CLCN5: variants seen among roughly 807,000 people sequenced by gnomAD.
The protein encoded by CLCN5 is H(+)/Cl(-) exchange transporter 5.
Under a neutral mutation model 54.0 loss-of-function variants are expected in CLCN5, and 17 were observed. That is an observed-to-expected ratio of 0.31 (90% CI 0.22 to 0.47). The LOEUF (loss-of-function observed/expected upper bound fraction) is 0.47, where lower values mean the gene tolerates loss of function less well. Among genes scored for constraint, CLCN5 ranks in the 20% least tolerant of loss-of-function variants. The probability of loss-of-function intolerance (pLI) is 1.00; values close to 1 mark genes in which losing one functional copy is unlikely to be tolerated. For synonymous variants in CLCN5, 222 were observed against 233.0 expected, an observed-to-expected ratio of 0.95 and a Z score of 0.43; for missense variants, 448 against 646.7, an observed-to-expected ratio of 0.69 and a Z score of 3.33.
chrX:49,947,441 T>A (rs1218356141), intron 3 of CLCN5, among the ~76,000 whole-genome samples: 1 of 110,428 alleles, frequency 9.1e-6, no homozygotes, highest in Non-Finnish European at 1.9e-5. Flanking sequence ...TTGGGATCCT[T>A]CATGTATAGA....
At chrX:50,078,196 G>A (rs782445186) in intron 7 of CLCN5, among the ~76,000 whole-genome samples, 4 of 110,216 alleles carry the variant, frequency 3.6e-5, no homozygotes, top group Non-Finnish European at 5.7e-5. Context: ...AAAACTGGGC[G>A]TGGTAGCAAC....
At chrX:49,955,233 G>A (rs903381381) in intron 3 of CLCN5, among the ~76,000 whole-genome samples, 28 of 111,415 alleles carry the variant, frequency 2.5e-4, no homozygotes, top group Admixed American at 2.1e-3. Flanking sequence ...CTCTTGCCTC[G>A]TCTTGTGGAC....
chrX:50,036,723 C>G (rs782663221), intron 3 of CLCN5, among the ~76,000 whole-genome samples: 1 of 111,972 alleles, frequency 8.9e-6, no homozygotes, highest in East Asian at 2.8e-4. Context: ...AAATCACTTC[C>G]TGAGTGAAAC....
Position 50,095,512 on chromosome X carries a change from G to A in CLCN5, c.*3293G>A, listed in dbSNP as rs1802381598. On this transcript the variant is annotated 3_prime_UTR_variant, in exon 15 of 15. Coordinates refer to ENST00000376091, the MANE Select transcript of CLCN5 (RefSeq NM_001127898.4). ...ATCCTCTGGTAGATAAGCTGACATT[G>A]ATGATACTTTGAATTTACCAGCTGG... 1 of 112,686 alleles carries A rather than the reference G, an allele frequency of 8.9e-6. No individual in the cohort carries two copies. The highest frequency in any genetic ancestry group is 1.9e-5 in the Non-Finnish European group (1 of 53,361). The allele number at this position is 112,686 out of a possible 1,213,427, so 9.3% of individuals were successfully genotyped here.
Position 50,072,499 on chromosome X carries a change from A to G in CLCN5, c.326A>G (p.Lys109Arg), listed in dbSNP as rs971256503. 5 of 1,200,191 alleles carry G rather than the reference A, an allele frequency of 4.2e-6. No homozygotes were observed. Among genetic ancestry groups the G allele is most frequent in the African/African-American group, 1.8e-5 (1 of 56,939 alleles). The change falls in exon 6 of 15, where the codon AAA (lysine) becomes AGA (arginine). Residue 109 changes from lysine (K) to arginine (R), a missense_variant. Physicochemically the swap from Lys to Arg is conservative, Grantham distance 26. Coordinates refer to ENST00000376091, the MANE Select transcript of CLCN5 (RefSeq NM_001127898.4). ...DRDRHREITN[K>R]SKESTWALIH... ...CTCATTTTCCCCTAGATTACCAATA[A>G]AAGCAAAGAGTCAACATGGGCCTTA...
At chrX:50,050,250 ATGTTTTGTTT>A (rs1303709478) in intron 4 of CLCN5, 1 of 111,641 alleles carries the variant, frequency 9.0e-6, no homozygotes, top group Non-Finnish European at 1.9e-5. Flanking sequence ...TGGTAACACT[ATGTTTTGTTT>A]TGTTTTGTTT....
chrX:50,043,105 A>G (rs782815009), intron 4 of CLCN5, among the ~76,000 whole-genome samples: 15 of 111,930 alleles, frequency 1.3e-4, no homozygotes, highest in Non-Finnish European at 2.8e-4. Flanking sequence ...ATATCTGCCC[A>G]CCTTATATAC....
chrX:50,079,608 T>C (rs1169194624), intron 7 of CLCN5, among the ~76,000 whole-genome samples: 2 of 112,298 alleles, frequency 1.8e-5, no homozygotes, highest in African/African-American at 6.5e-5. Flanking sequence ...TTTTAAAAAA[T>C]AGTTGTTTCC....
chrX:49,925,257 A>C lies in CLCN5; in HGVS notation c.-42A>C. The C allele has an allele frequency of 8.3e-7, 1 of 1,202,000 alleles. No homozygotes were observed. Among genetic ancestry groups the C allele is most frequent in the Non-Finnish European group, 1.1e-6 (1 of 886,484 alleles). On this transcript the variant is annotated 5_prime_UTR_variant, in exon 3 of 15. Transcript: ENST00000376091. ...CCTACAAAACTGAGAGGCTCTGGGA[A>C]ACTCAGCCTGTGACCCCAGCGTGGG...
chrX:49,929,687 T>G (rs1925538355), intron 3 of CLCN5, among the ~76,000 whole-genome samples: 1 of 111,051 alleles, frequency 9.0e-6, no homozygotes, highest in African/African-American at 3.3e-5. Context: ...ATATTCCTAC[T>G]CAGGTCCCCA....
At chrX:50,086,161 A>G in intron 10 of CLCN5, 101 bp downstream of exon 10, 1 of 866,346 alleles carries the variant, frequency 1.2e-6, no homozygotes, top group Non-Finnish European at 1.7e-6. Flanking sequence ...ATCTGTGTAT[A>G]TCCCAGTCCC....
In CLCN5 at chrX:50,079,000, T is replaced by G. The variant is rs781986442; in HGVS notation, c.604-1594T>G. On this transcript the variant is annotated intron_variant, in intron 7 of 14. Transcript: ENST00000376091. ...ACCACGCCCGGCTAATTTTTTTGTA[T>G]TTTTAGTAGAGACGGGGTTTCACCA... Among the ~76,000 whole-genome samples the G allele has an allele frequency of 5.4e-3, 600 of 111,492 alleles. 5 individuals carry two copies. The highest frequency in any genetic ancestry group is 0.019 in the African/African-American group (581 of 30,649).
chrX:50,019,760 G>C (rs1557184135), intron 3 of CLCN5, among the ~76,000 whole-genome samples: 1 of 10,895 alleles, frequency 9.2e-5, no homozygotes, highest in East Asian at 2.3e-3. Flanking sequence ...AGTTTACTGA[G>C]AATGATGGTT....
At chrX:50,088,417 A>G in intron 11 of CLCN5, 1 of 343,800 alleles carries the variant, frequency 2.9e-6, no homozygotes, top group Non-Finnish European at 5.1e-6. Flanking sequence ...GGAAAGGCCC[A>G]ATTTCTGCCT....
intron 3 of CLCN5, among the ~76,000 whole-genome samples, chrX:49,926,475 A>T (rs990878025): frequency 1.8e-5 from 2 of 112,516 alleles, no homozygotes; most frequent in African/African-American, 6.5e-5. Context: ...TAGAATAGAG[A>T]GGTACAAAAA....
intron 3 of CLCN5, among the ~76,000 whole-genome samples, chrX:49,932,258 T>C (rs1403690368): frequency 1.8e-5 from 2 of 112,220 alleles, no homozygotes; most frequent in African/African-American, 6.5e-5. Flanking sequence ...TATGTATCTC[T>C]CTGTGTTTAC....
intron 3 of CLCN5, among the ~76,000 whole-genome samples, chrX:50,006,077 G>GA (rs1557181368): frequency 8.9e-6 from 1 of 112,290 alleles, no homozygotes; most frequent in Non-Finnish European, 1.9e-5. Flanking sequence ...AATAGGAGGA[G>GA]AAAGTGCAGA....
At chrX:49,933,034 T>C (rs1183499384) in intron 3 of CLCN5, among the ~76,000 whole-genome samples, 1 of 111,095 alleles carries the variant, frequency 9.0e-6, no homozygotes, top group African/African-American at 3.3e-5. Flanking sequence ...GGCTTGCTAA[T>C]TGGACCACTA....
In CLCN5 at chrX:50,042,436, T is replaced by G; in HGVS notation, c.137T>G (p.Val46Gly). The change falls in exon 4 of 15, where the codon GTT becomes GGT. Residue 46 changes from valine (V) to glycine (G), a missense_variant. Coordinates refer to ENST00000376091, the MANE Select transcript of CLCN5 (RefSeq NM_001127898.4). ...TAMDFSMRDDVPPLDREVGED... is the reference protein window; with the variant it reads ...TAMDFSMRDDGPPLDREVGED... Reference sequence around the variant, plus strand: ...ATGGATTTCTCCATGAGAGATGATGTTCCTCCCTTAGACCGAGAAGTAGGA... The same window carrying G: ...ATGGATTTCTCCATGAGAGATGATGGTCCTCCCTTAGACCGAGAAGTAGGA... 9.0e-7 allele frequency: 1 copy of G among 1,116,083 alleles called. No homozygotes were observed. Among genetic ancestry groups the G allele is most frequent in the Non-Finnish European group, 1.2e-6 (1 of 838,804 alleles). The allele number at this position is 1,116,083 out of a possible 1,213,427, so 92.0% of individuals were successfully genotyped here. A position where few individuals can be genotyped will look rare whatever the true frequency, so the allele number is the denominator to read the frequency against.
Sources: gnomAD v4.1 joint callset for allele counts (sites outside exome capture counted in the v4.1 genomes callset) on GRCh38, gnomAD v4.1.1 for gene constraint, MANE v1.5 for transcripts, NCBI Gene and HGNC (gene_info 2026-07-23, HGNC 2026-07-21) for gene names.